Variants in ANKRD28 observed in about 807,000 individuals in gnomAD.
ANKRD28 encodes ankyrin repeat domain 28.
In ANKRD28, 44 loss-of-function variants were observed where a neutral mutation model predicts 126.5. That is an observed-to-expected ratio of 0.35 (90% confidence interval 0.27 to 0.45). The LOEUF is 0.45. ANKRD28 is among the 20% of genes least tolerant of loss of function. The pLI is 1.00. For synonymous variants in ANKRD28, 442 were observed against 468.5 expected, an observed-to-expected ratio of 0.94 and a Z score of 0.73; for missense variants, 1,110 against 1,316.6, an observed-to-expected ratio of 0.84 and a Z score of 2.43.
intron 2 of ANKRD28, among the ~76,000 whole-genome samples, chr3:15,771,986 C>T (rs970049812): frequency 1.3e-5 from 2 of 151,962 alleles, no homozygotes; most frequent in Non-Finnish European, 2.9e-5. Context: ...CTAAATAACC[C>T]ATGTAAAGAG....
At chr3:15,718,676 T>C (rs1575365414) in intron 8 of ANKRD28, among the ~76,000 whole-genome samples, 1 of 151,956 alleles carries the variant, frequency 6.6e-6, no homozygotes, top group Non-Finnish European at 1.5e-5. Context: ...GACAGCATCA[T>C]GTGAACCAAA....
intron 18 of ANKRD28, among the ~76,000 whole-genome samples, chr3:15,689,274 A>T (rs2068506466): frequency 6.6e-6 from 1 of 152,200 alleles, no homozygotes; most frequent in African/African-American, 2.4e-5. Context: ...CTTCAAAACA[A>T]CACAGGCGCC....
intron 1 of ANKRD28, among the ~76,000 whole-genome samples, chr3:15,823,156 A>G (rs928736795): frequency 6.6e-6 from 1 of 152,190 alleles, no homozygotes; most frequent in African/African-American, 2.4e-5. Flanking sequence ...AAATCGTTTC[A>G]CCTCAAATCA....
intron 2 of ANKRD28, among the ~76,000 whole-genome samples, chr3:15,783,346 T>C (rs1252729560): frequency 6.6e-6 from 1 of 152,032 alleles, no homozygotes; most frequent in East Asian, 1.9e-4. Context: ...TATTAAAATA[T>C]TTAAGATTTT....
intron 2 of ANKRD28, among the ~76,000 whole-genome samples, chr3:15,778,652 T>C (rs2059405505): frequency 1.3e-5 from 2 of 152,174 alleles, no homozygotes; most frequent in African/African-American, 4.8e-5. Flanking sequence ...TTCCTAACTC[T>C]AGACCCAGAT....
intron 5 of ANKRD28, among the ~76,000 whole-genome samples, chr3:15,736,391 T>C (rs973391025): frequency 5.3e-5 from 8 of 152,194 alleles, no homozygotes; most frequent in Non-Finnish European, 1.2e-4. Context: ...AAGTGGGAAC[T>C]ACTTTGAAAA....
intron 1 of ANKRD28, among the ~76,000 whole-genome samples, chr3:15,825,047 G>C (rs1163851238): frequency 1.3e-5 from 2 of 152,212 alleles, no homozygotes; most frequent in African/African-American, 4.8e-5. Flanking sequence ...ATCAAGAATA[G>C]ATTTGATATG....
At chr3:15,794,835 G>A (rs1315938748) in intron 2 of ANKRD28, among the ~76,000 whole-genome samples, 1 of 152,130 alleles carries the variant, frequency 6.6e-6, no homozygotes, top group Non-Finnish European at 1.5e-5. Flanking sequence ...GCACAGTTAA[G>A]TATTTAATGG....
rs761255992 is a variant in ANKRD28, at chr3:15,714,614, C to T, written c.1039G>A (p.Gly347Ser). The change falls in exon 9 of 28, where the codon GGT becomes AGT. Residue 347 changes from glycine to serine, a missense_variant. Physicochemically the swap from Gly to Ser is moderately conservative, Grantham distance 56 (BLOSUM62 0). Coordinates refer to ENST00000683139, the MANE Select transcript of ANKRD28 (RefSeq NM_001349278.2). The stretch of plus-strand genomic sequence containing the variant: ...ATGGTTTGTGATCGGGAGAATCTAC[C>T]GTGGAGAGCAGTCATGTGTAGTGGG... ...KTPLHMTALH[G>S]RFSRSQTIIQ... 5.0e-6 allele frequency: 8 copies of T among 1,598,460 alleles called. No homozygotes were observed. Among genetic ancestry groups the T allele is most frequent in the South Asian group, 2.3e-5 (2 of 87,956 alleles).
At chr3:15,783,035 T>C (rs930819787) in intron 2 of ANKRD28, among the ~76,000 whole-genome samples, 1 of 152,032 alleles carries the variant, frequency 6.6e-6, no homozygotes, top group African/African-American at 2.4e-5. Context: ...GGGACAGTTT[T>C]TTTTTAAGAT....
intron 3 of ANKRD28, chr3:15,756,521 AAG>A (rs1489091680): frequency 1.0e-6 from 1 of 985,278 alleles, no homozygotes; most frequent in Admixed American, 6.1e-5. Flanking sequence ...AATGCAGCTG[AAG>A]AGAGGTCTAA....
At chr3:15,859,063 T>G (rs1254248317) in intron 1 of ANKRD28, among the ~76,000 whole-genome samples, 1 of 152,036 alleles carries the variant, frequency 6.6e-6, no homozygotes, top group Non-Finnish European at 1.5e-5. Flanking sequence ...GGCCCGAGCC[T>G]CACCTGGCAG....
At chr3:15,680,365 A>G (rs1225055020) in intron 21 of ANKRD28, among the ~76,000 whole-genome samples, 1 of 151,540 alleles carries the variant, frequency 6.6e-6, no homozygotes, top group Non-Finnish European at 1.5e-5. Flanking sequence ...CACCATGCCC[A>G]GCTAGCTTTT....
At chr3:15,780,962 A>T (rs1389793022) in intron 2 of ANKRD28, among the ~76,000 whole-genome samples, 1 of 152,174 alleles carries the variant, frequency 6.6e-6, no homozygotes, top group Non-Finnish European at 1.5e-5. Context: ...TGAAATTATA[A>T]AACTATAAAC....
At chr3:15,688,087 T>G (rs1185162258) in intron 18 of ANKRD28, among the ~76,000 whole-genome samples, 9 of 152,236 alleles carry the variant, frequency 5.9e-5, no homozygotes, top group Admixed American at 5.9e-4. Context: ...GTAGGATTTA[T>G]GCTGAACTAT....
chr3:15,677,089 G>T, intron 25 of ANKRD28, 33 bp from the exon 26 acceptor site: 1 of 1,558,790 alleles, frequency 6.4e-7, no homozygotes, highest in South Asian at 1.1e-5. Context: ...ATAAAAACTT[G>T]AGCACCATTA....
chr3:15,804,771 A>G (rs2060541044), intron 1 of ANKRD28, among the ~76,000 whole-genome samples: 1 of 145,426 alleles, frequency 6.9e-6, no homozygotes, highest in African/African-American at 2.6e-5. Context: ...TATGTTCAAA[A>G]TGTCATCTAC....
intron 27 of ANKRD28, among the ~76,000 whole-genome samples, chr3:15,673,364 G>A (rs2066575828): frequency 6.6e-6 from 1 of 152,140 alleles, no homozygotes; most frequent in Non-Finnish European, 1.5e-5. Context: ...ACAGTGCTTG[G>A]CATAATCACT....
At chr3:15,742,781 A>G (rs75819285) in intron 4 of ANKRD28, among the ~76,000 whole-genome samples, 87,186 of 128,728 alleles carry the variant, frequency 0.68, 29,703 homozygotes, top group East Asian at 0.92. Context: ...CCGGCCAGCC[A>G]CCCGGTCCGG....
Sources: allele counts gnomAD v4.1 joint callset (sites outside exome capture counted in the v4.1 genomes callset), GRCh38; gene constraint gnomAD v4.1.1; transcripts MANE v1.5; gene names NCBI Gene and HGNC (gene_info 2026-07-23, HGNC 2026-07-21).